The following RAI1 variants were observed in gnomAD, a reference collection of about 807,000 sequenced individuals.
RAI1 encodes retinoic acid induced 1, also known as retinoic acid-induced protein 1.
RAI1 carries 9 observed loss-of-function variants against 123.8 expected under a neutral mutation model. That is an observed-to-expected ratio of 0.07 (90% CI 0.04 to 0.13). The LOEUF is 0.13. RAI1 is among the 10% of genes least tolerant of loss of function. The pLI is 1.00. For synonymous variants in RAI1, 1,231 were observed against 1,127.3 expected (o/e 1.09, Z -1.84); for missense variants, 2,256 against 2,545.8 (o/e 0.89, Z 2.45).
At chr17:17,691,985 T>A (rs1914852973) in intron 1 of RAI1, among the ~76,000 whole-genome samples, 1 of 152,206 alleles carries the variant, frequency 6.6e-6, no homozygotes, top group Non-Finnish European at 1.5e-5. Context: ...TGGTTTATGA[T>A]ACCTTTGAGA....
chr17:17,690,280 A>G (rs1031598124), intron 1 of RAI1, among the ~76,000 whole-genome samples: 1 of 151,872 alleles, frequency 6.6e-6, no homozygotes, highest in Non-Finnish European at 1.5e-5. Flanking sequence ...CCAGCTACTC[A>G]GGAGGCTGAG....
intron 2 of RAI1, among the ~76,000 whole-genome samples, chr17:17,785,127 C>G (rs73297806): frequency 1.3e-5 from 2 of 152,182 alleles, no homozygotes; most frequent in African/African-American, 4.8e-5. Flanking sequence ...GCACCCAGCT[C>G]GGCCCACATC....
Position 17,798,026 on chromosome 17 carries a change from C to G in RAI1, c.5078C>G (p.Pro1693Arg), listed in dbSNP as rs771526392. The G allele has an allele frequency of 6.2e-7, 1 of 1,614,124 alleles. No homozygotes were observed. The highest frequency in any genetic ancestry group is 1.7e-5 in the Admixed American group (1 of 60,020). ...SCLVCCLCQN[P>R]ANFKDLGDLC... ...CTTGTTTGCTGCCTCTGCCAAAACC[C>G]GGCCAACTTCAAGGACCTTGGGGAC... The change falls in exon 3 of 6, where the codon CCG becomes CGG. Residue 1693 changes from proline to arginine, a missense_variant. Around this residue, in one of 7 missense-constraint regions of RAI1, gnomAD observed 243 missense variants for 316.6 expected, o/e 0.77. Coordinates refer to ENST00000353383, the MANE Select transcript of RAI1 (RefSeq NM_030665.4).
chr17:17,786,405 C>T (rs757924528), intron 2 of RAI1, among the ~76,000 whole-genome samples: 2 of 152,202 alleles, frequency 1.3e-5, no homozygotes, highest in Non-Finnish European at 2.9e-5. Flanking sequence ...AGGCAGAAAT[C>T]CTTGCTCTCA....
At chr17:17,769,372 GC>G (rs2031057893) in intron 2 of RAI1, among the ~76,000 whole-genome samples, 1 of 152,256 alleles carries the variant, frequency 6.6e-6, no homozygotes, top group African/African-American at 2.4e-5. Flanking sequence ...CCTTGGGACA[GC>G]CCGGGTCGGA....
At chr17:17,731,569 C>T (rs1916273396) in intron 2 of RAI1, among the ~76,000 whole-genome samples, 2 of 152,146 alleles carry the variant, frequency 1.3e-5, no homozygotes, top group Admixed American at 1.3e-4. Context: ...GGAGCAAAGT[C>T]TCGGCAGTGG....
At chr17:17,711,899 C>G (rs181559642) in intron 1 of RAI1, among the ~76,000 whole-genome samples, 1 of 152,334 alleles carries the variant, frequency 6.6e-6, no homozygotes, top group African/African-American at 2.4e-5. Flanking sequence ...GGGAATGTCC[C>G]CAGGCCCAGC....
intron 1 of RAI1, among the ~76,000 whole-genome samples, chr17:17,706,022 CAAAAAA>C (rs1197967787): frequency 5.3e-5 from 2 of 37,386 alleles, no homozygotes; most frequent in South Asian, 1.2e-3. Flanking sequence ...GACTCTGTCT[CAAAAAA>C]AAAAAAAAAA....
chr17:17,748,074 G>A (rs772433727), intron 2 of RAI1, among the ~76,000 whole-genome samples: 61 of 152,336 alleles, frequency 4.0e-4, no homozygotes, highest in Non-Finnish European at 7.5e-4. Context: ...CCTGGCTAGG[G>A]TGGCCCCAGA....
At chr17:17,694,129 C>T (rs1468712386) in intron 1 of RAI1, among the ~76,000 whole-genome samples, 1 of 152,200 alleles carries the variant, frequency 6.6e-6, no homozygotes, top group Non-Finnish European at 1.5e-5. Context: ...GAGCTGCTAG[C>T]CTTGCCGGGT....
At chr17:17,788,819 A>G (rs1348569688) in intron 2 of RAI1, among the ~76,000 whole-genome samples, 2 of 152,094 alleles carry the variant, frequency 1.3e-5, no homozygotes, top group African/African-American at 2.4e-5. Context: ...GGGCTCCCTC[A>G]GGAGCCACAG....
intron 2 of RAI1, among the ~76,000 whole-genome samples, chr17:17,751,197 G>C (rs1390251920): frequency 1.3e-5 from 2 of 152,344 alleles, no homozygotes; most frequent in East Asian, 1.9e-4. Context: ...GTAGCTCCAG[G>C]AAGTGGAGCC....
rs902998845 is a variant in RAI1, at chr17:17,801,050, C to T, written c.5565+2537C>T. ...CTGGCCCCAGCACTGCCACACCCCT[C>T]GGTACCTTGACCTCACTTTTGCGCT... On this transcript the variant is annotated intron_variant, in intron 3 of 5. Coordinates refer to ENST00000353383, the MANE Select transcript of RAI1 (RefSeq NM_030665.4). This position sits in a 1 kb window ranked among gnomAD's most constrained non-coding sequence, Gnocchi z 4.1. Among the ~76,000 whole-genome samples the T allele has an allele frequency of 3.3e-5, 5 of 152,312 alleles. No individual in the cohort carries two copies. Among genetic ancestry groups the T allele is most frequent in the Middle Eastern group, 3.4e-3 (1 of 294 alleles).
At chr17:17,725,364 CG>C (rs199751977) in intron 2 of RAI1, among the ~76,000 whole-genome samples, 2,391 of 152,272 alleles carry the variant, frequency 0.016, 28 homozygotes, top group Non-Finnish European at 0.026. Flanking sequence ...GACGCTGCTC[CG>C]GTGACCCGGA....
chr17:17,744,320 G>A (rs1325257070), intron 2 of RAI1, among the ~76,000 whole-genome samples: 1 of 152,186 alleles, frequency 6.6e-6, no homozygotes, highest in African/African-American at 2.4e-5. Flanking sequence ...GTTCTGTAAA[G>A]TGGGTCCAGC....
chr17:17,793,506 C>T lies in RAI1; in HGVS notation c.558C>T (p.Pro186=). 1.2e-6 allele frequency: 2 copies of T among 1,614,034 alleles called. No individual in the cohort carries two copies. Among genetic ancestry groups the T allele is most frequent in the Non-Finnish European group, 1.7e-6 (2 of 1,180,022 alleles). ...PPPPQQPLAY[P]KLQRQKLQND... ...CGCCCCAGCAGCCCCTGGCATACCC[C>T]AAGCTCCAAAGGCAGAAGCTGCAGA... is the stretch of plus-strand genomic sequence containing the variant. Residue 186 remains proline (P), a synonymous_variant, in exon 3 of 6, where the codon CCC becomes CCT. Coordinates refer to ENST00000353383, the MANE Select transcript of RAI1 (RefSeq NM_030665.4).
At chr17:17,704,951 C>T (rs1370846093) in intron 1 of RAI1, among the ~76,000 whole-genome samples, 1 of 152,158 alleles carries the variant, frequency 6.6e-6, no homozygotes, top group African/African-American at 2.4e-5. Context: ...CAGAGCCTTT[C>T]ATGGCCATGA....
rs148043760 is a variant in RAI1 at position 17,795,721 on chromosome 17, G to C, written c.2773G>C (p.Val925Leu). 1 of 1,613,354 alleles carries C rather than the reference G, an allele frequency of 6.2e-7. No individual in the cohort carries two copies. Among genetic ancestry groups the C allele is most frequent in the Non-Finnish European group, 8.5e-7 (1 of 1,180,022 alleles). ...GSPCHLSGES[V>L]ILLGPTVGTE... Reference sequence around the variant, plus strand: ...TCCGTGCCACCTCTCAGGGGAGTCCGTCATCCTGCTGGGCCCTACAGTGGG... The same window carrying C: ...TCCGTGCCACCTCTCAGGGGAGTCCCTCATCCTGCTGGGCCCTACAGTGGG... The change falls in exon 3 of 6, where the codon GTC becomes CTC. Residue 925 changes from valine to leucine, a missense_variant. Coordinates refer to ENST00000353383, the MANE Select transcript of RAI1 (RefSeq NM_030665.4). This position sits in a 1 kb window ranked among gnomAD's most constrained non-coding sequence, Gnocchi z 5.9.
chr17:17,810,550 G>A lies in RAI1; in HGVS notation c.*569G>A, dbSNP rs564548872. 66 of 303,624 alleles carry A rather than the reference G, an allele frequency of 2.2e-4. 1 individual carries two copies. Among genetic ancestry groups the A allele is most frequent in the African/African-American group, 1.4e-3 (62 of 44,102 alleles). 18.8% of individuals were successfully genotyped at this position (303,624 alleles called of 1,614,324 possible). On this transcript the variant is annotated 3_prime_UTR_variant, in exon 6 of 6. Coordinates refer to ENST00000353383, the MANE Select transcript of RAI1 (RefSeq NM_030665.4). This position sits in a 1 kb window ranked among gnomAD's most constrained non-coding sequence, Gnocchi z 4.6. ...GGGCTAGGCCGGCACTGGAGAGGCC[G>A]GAGCCTTTGGAACAAACCGTGCGGA...
Sources: gnomAD v4.1 joint callset for allele counts (sites outside exome capture counted in the v4.1 genomes callset) on GRCh38, gnomAD v4.1.1 for gene constraint, gnomAD v4.1.1 regional missense constraint, Gnocchi (gnomAD v3.1) non-coding constraint, MANE v1.5 for transcripts, NCBI Gene and HGNC (gene_info 2026-07-23, HGNC 2026-07-21) for gene names.